The following AKT3 variants were observed in gnomAD, a reference collection of about 807,000 sequenced individuals.
The protein encoded by AKT3 is RAC-gamma serine/threonine-protein kinase.
Under a neutral mutation model 65.3 loss-of-function variants are expected in AKT3, and 15 were observed. That is an observed-to-expected ratio of 0.23 (90% CI 0.15 to 0.35). The LOEUF (loss-of-function observed/expected upper bound fraction) is 0.35. AKT3 is among the 10% of genes least tolerant of loss of function. The probability of loss-of-function intolerance (pLI) is 1.00; values close to 1 mark genes in which losing one functional copy is unlikely to be tolerated. For missense variants in AKT3, 243 were observed against 576.5 expected (o/e 0.42, Z 5.92); for synonymous variants, 206 against 183.8 (o/e 1.12, Z -0.98).
At chr1:243,844,358 TAAA>T (rs1313226629) in intron 1 of AKT3, among the ~76,000 whole-genome samples, 1 of 152,076 alleles carries the variant, frequency 6.6e-6, no homozygotes, top group African/African-American at 2.4e-5. Flanking sequence ...TGCCTTAAGA[TAAA>T]AAGAAGTCAG....
rs535755590 is a variant in AKT3 at position 243,695,661 on chromosome 1, T to G, written c.102A>C (p.Ser34=). 6.2e-7 allele frequency: 1 copy of G among 1,609,038 alleles called. No individual in the cohort carries two copies. The highest frequency in any genetic ancestry group is 2.2e-5 in the East Asian group (1 of 44,606). ...GAGGTTTCTCTTTATATCCTATGAATGAGCCATCTGTCTTCAAAAGGAAGT... is the reference window on the plus strand; with the variant it reads ...GAGGTTTCTCTTTATATCCTATGAAGGAGCCATCTGTCTTCAAAAGGAAGT... The part of the protein sequence containing the change: ...PRYFLLKTDG[S]FIGYKEKPQD... Residue 34 remains serine, a synonymous_variant, in exon 3 of 14, where the codon TCA becomes TCC. Transcript: ENST00000673466.
At chr1:243,706,142 G>A (rs1034579745) in intron 2 of AKT3, among the ~76,000 whole-genome samples, 7 of 152,018 alleles carry the variant, frequency 4.6e-5, no homozygotes, top group Admixed American at 2.0e-4. Context: ...AGTCCATAAC[G>A]CAAGAAACTA....
chr1:243,843,405 T>G, intron 1 of AKT3, 123 bp from the exon 2 acceptor site: 1 of 1,145,458 alleles, frequency 8.7e-7, no homozygotes, highest in Non-Finnish European at 1.1e-6. Context: ...GTCTGGCTCT[T>G]CAAACTGGGG....
intron 4 of AKT3, among the ~76,000 whole-genome samples, chr1:243,653,487 C>A (rs1271326959): frequency 6.6e-6 from 1 of 152,196 alleles, no homozygotes; most frequent in Non-Finnish European, 1.5e-5. Flanking sequence ...TCCTCCCTAA[C>A]TCATTTTATG....
intron 12 of AKT3, among the ~76,000 whole-genome samples, chr1:243,522,222 A>C (rs887231527): frequency 6.6e-6 from 1 of 152,234 alleles, no homozygotes; most frequent in African/African-American, 2.4e-5. Context: ...GCTCTGTCCA[A>C]CATCAGCAGT....
chr1:243,817,923 G>A (rs1693625031), intron 2 of AKT3: 1 of 152,158 alleles, frequency 6.6e-6, no homozygotes. Flanking sequence ...TTGTAATATT[G>A]CATCTTCAAA....
rs1046419031 is a variant in AKT3 at position 243,702,286 on chromosome 1, C to T, written c.47-6570G>A. ...TCTCAAATTAGCCTTCAGTTTCTTT[C>T]CCACTCAACCTCATCATTAAAATGC... On this transcript the variant is annotated intron_variant, in intron 2 of 13. Coordinates refer to ENST00000673466, the MANE Select transcript of AKT3 (RefSeq NM_005465.7). Among the ~76,000 whole-genome samples, 44 of 152,124 alleles carry T rather than the reference C, an allele frequency of 2.9e-4. 1 individual carries two copies. Among genetic ancestry groups the T allele is most frequent in the Admixed American group, 1.8e-3 (27 of 15,278 alleles).
chr1:243,645,789 A>G (rs982086653), intron 5 of AKT3, 104 bp downstream of exon 5: 3 of 1,155,736 alleles, frequency 2.6e-6, no homozygotes, highest in East Asian at 2.4e-5. Context: ...ATATATTTAC[A>G]TATCGTAAGA....
intron 6 of AKT3, among the ~76,000 whole-genome samples, chr1:243,623,008 A>C (rs1399249673): frequency 6.6e-6 from 1 of 152,238 alleles, no homozygotes; most frequent in Non-Finnish European, 1.5e-5. Context: ...CATTCCCAAA[A>C]AAGTCAGTCT....
intron 6 of AKT3, among the ~76,000 whole-genome samples, chr1:243,634,939 T>C (rs940957430): frequency 6.6e-6 from 1 of 151,774 alleles, no homozygotes; most frequent in African/African-American, 2.4e-5. Flanking sequence ...GACAACTCAA[T>C]AAAGCAACTA....
At chr1:243,787,246 A>C (rs911261243) in intron 2 of AKT3, among the ~76,000 whole-genome samples, 3 of 152,220 alleles carry the variant, frequency 2.0e-5, no homozygotes, top group African/African-American at 7.2e-5. Context: ...TGAGAAGCTA[A>C]AACAATTGTA....
intron 2 of AKT3, among the ~76,000 whole-genome samples, chr1:243,742,538 T>C (rs1364475761): frequency 2.0e-5 from 3 of 152,094 alleles, no homozygotes; most frequent in African/African-American, 7.2e-5. Flanking sequence ...GGCAGGATAA[T>C]CACTTGAACC....
At chr1:243,656,110 G>A (rs1244071588) in intron 4 of AKT3, among the ~76,000 whole-genome samples, 1 of 148,872 alleles carries the variant, frequency 6.7e-6, no homozygotes, top group Non-Finnish European at 1.5e-5. Flanking sequence ...TGGCGGGGGG[G>A]TGTGGGGGGG....
intron 2 of AKT3, among the ~76,000 whole-genome samples, chr1:243,746,889 C>G (rs1480150808): frequency 1.3e-5 from 2 of 151,382 alleles, no homozygotes; most frequent in Non-Finnish European, 2.9e-5. Flanking sequence ...TCATGAAGAA[C>G]ATGAACATGG....
In AKT3 at chr1:243,552,201, A is replaced by G. The variant is rs1448084649; in HGVS notation, c.1163+528T>C. Among the ~76,000 whole-genome samples the G allele has an allele frequency of 2.1e-5, 3 of 145,100 alleles. No individual in the cohort carries two copies. In the Admixed American group the frequency reaches 2.2e-4, roughly 11 times the overall value. On this transcript the variant is annotated intron_variant, in intron 11 of 13. Transcript: ENST00000673466. ...CCACTCGGGAGGCTGAGGCAGGAAA[A>G]TCACCTGAACCTGGGAAGCAGAGGT... is the stretch of plus-strand genomic sequence containing the variant.
intron 2 of AKT3, among the ~76,000 whole-genome samples, chr1:243,711,565 A>G (rs935605252): frequency 1.3e-5 from 2 of 152,126 alleles, no homozygotes; most frequent in Non-Finnish European, 2.9e-5. Context: ...TTCTTATTCT[A>G]TGATAGTCAG....
intron 2 of AKT3, among the ~76,000 whole-genome samples, chr1:243,727,799 G>A (rs1233533143): frequency 6.6e-6 from 1 of 151,916 alleles, no homozygotes; most frequent in Non-Finnish European, 1.5e-5. Context: ...AGAAAAAAAA[G>A]CATCATAACT....
chr1:243,498,623 T>G (rs571401331), downstream of AKT3, among the ~76,000 whole-genome samples: 7 of 152,374 alleles, frequency 4.6e-5, no homozygotes, highest in Non-Finnish European at 8.8e-5. Flanking sequence ...AATGTAAACA[T>G]TACTTTTTCT....
At chr1:243,671,228 C>T (rs1393779950) in intron 3 of AKT3, among the ~76,000 whole-genome samples, 1 of 152,056 alleles carries the variant, frequency 6.6e-6, no homozygotes, top group African/African-American at 2.4e-5. Context: ...CAGGTGGCCA[C>T]CACCACATCC....
Sources: gnomAD v4.1 joint callset for allele counts (sites outside exome capture counted in the v4.1 genomes callset) on GRCh38, gnomAD v4.1.1 for gene constraint, MANE v1.5 for transcripts, NCBI Gene and HGNC (gene_info 2026-07-23, HGNC 2026-07-21) for gene names.